Variants in FAM114A1 observed in about 807,000 individuals in gnomAD.
FAM114A1 encodes protein NOXP20.
In FAM114A1, 62 loss-of-function variants were observed where a neutral mutation model predicts 64.3. The ratio of observed to expected loss-of-function variants is 0.96; its 90% CI spans 0.79 to 1.19. FAM114A1 has a LOEUF of 1.19. FAM114A1 is among the 50% of genes most tolerant of loss of function. The pLI is 0.00. For missense variants in FAM114A1, 645 were observed against 676.3 expected (o/e 0.95, Z 0.51); for synonymous variants, 254 against 251.1 (o/e 1.01, Z -0.11).
chr4:38,918,483 G>A (rs1367252059), intron 8 of FAM114A1, among the ~76,000 whole-genome samples: 1 of 152,094 alleles, frequency 6.6e-6, no homozygotes, highest in Non-Finnish European at 1.5e-5. Flanking sequence ...AATACGGGAT[G>A]ACTAGTTACA....
rs763900636 is a variant in FAM114A1, at chr4:38,908,637, G to T, written c.703G>T (p.Gly235Cys). 1.9e-6 allele frequency: 3 copies of T among 1,612,994 alleles called. No homozygotes were observed. Among genetic ancestry groups the T allele is most frequent in the Non-Finnish European group, 2.5e-6 (3 of 1,179,378 alleles). ...AGGCCTTGATGCGTTGGAATTCATC[G>T]GCAAGAAAACCATGAATGTCCTTGC... Reference protein sequence around the residue: ...TGGLDALEFIGKKTMNVLAES... With the variant: ...TGGLDALEFICKKTMNVLAES... Residue 235 changes from glycine to cysteine, a missense_variant, in exon 7 of 15, where the codon GGC becomes TGC. By Grantham distance (159) the Gly-to-Cys change is radical. Coordinates refer to ENST00000358869, the MANE Select transcript of FAM114A1 (RefSeq NM_138389.4).
At chr4:38,880,982 C>T (rs1361654385) in intron 3 of FAM114A1, among the ~76,000 whole-genome samples, 8 of 152,010 alleles carry the variant, frequency 5.3e-5, no homozygotes, top group Admixed American at 1.3e-4. Context: ...GTCAGGAGTT[C>T]GAGACCAGCC....
At chr4:38,891,426 C>A (rs143452971) in intron 3 of FAM114A1, among the ~76,000 whole-genome samples, 1 of 152,128 alleles carries the variant, frequency 6.6e-6, no homozygotes, top group Non-Finnish European at 1.5e-5. Flanking sequence ...TGCCCTCATG[C>A]GTATCTTTTT....
intron 12 of FAM114A1, among the ~76,000 whole-genome samples, chr4:38,934,981 C>G (rs1342448679): frequency 6.6e-6 from 1 of 151,544 alleles, no homozygotes; most frequent in Non-Finnish European, 1.5e-5. Context: ...ATGGCATGAT[C>G]TCGGCTCACT....
intron 9 of FAM114A1, among the ~76,000 whole-genome samples, chr4:38,924,640 G>T (rs1447239382): frequency 6.6e-6 from 1 of 152,192 alleles, no homozygotes; most frequent in African/African-American, 2.4e-5. Context: ...ATAGAAAGAG[G>T]CCGTATCAGA....
rs1560288012 is a variant in FAM114A1 at position 38,880,100 on chromosome 4, A to AATAGAATAGAATAG, written c.348+1675_348+1676insTAGAATAGAATAGA. Among the ~76,000 whole-genome samples, 22 of 98,944 alleles carry AATAGAATAGAATAG rather than the reference A, an allele frequency of 2.2e-4. 1 individual carries two copies. Among genetic ancestry groups the AATAGAATAGAATAG allele is most frequent in the African/African-American group, 7.2e-4 (21 of 29,260 alleles). The allele number at this position is 98,944 out of a possible 152,430, so 64.9% of individuals were successfully genotyped here. On this transcript the variant is annotated intron_variant, in intron 3 of 14. Transcript: ENST00000358869. ...AAATAAAATAAAATAAAATAAAATA[A>AATAGAATAGAATAG]AATAGAGTAGAATAGAATAGAATAG...
At chr4:38,936,985 T>G (rs1721167063) in intron 13 of FAM114A1, among the ~76,000 whole-genome samples, 1 of 152,248 alleles carries the variant, frequency 6.6e-6, no homozygotes, top group African/African-American at 2.4e-5. Context: ...AGGTATGGCC[T>G]CTGGTTATTT....
At chr4:38,886,248 T>C (rs567104370) in intron 3 of FAM114A1, among the ~76,000 whole-genome samples, 30 of 151,298 alleles carry the variant, frequency 2.0e-4, no homozygotes, top group African/African-American at 5.8e-4. Flanking sequence ...CTCAGCTCAC[T>C]GCAACCTCCG....
chr4:38,919,067 C>T (rs1719339165), intron 8 of FAM114A1, among the ~76,000 whole-genome samples: 1 of 152,114 alleles, frequency 6.6e-6, no homozygotes, highest in Non-Finnish European at 1.5e-5. Context: ...GCACGAGAGT[C>T]ACTTGAACCT....
intron 3 of FAM114A1, among the ~76,000 whole-genome samples, chr4:38,883,008 T>G (rs1373316217): frequency 6.6e-6 from 1 of 151,376 alleles, no homozygotes; most frequent in Non-Finnish European, 1.5e-5. Context: ...TCTTGTCCTT[T>G]CTGACATACA....
chr4:38,905,411 AAAAAG>A, intron 4 of FAM114A1, 106 bp from the exon 5 acceptor site: 1 of 827,836 alleles, frequency 1.2e-6, no homozygotes, highest in Non-Finnish European at 1.9e-6. Flanking sequence ...AAAAAAAAAA[AAAAAG>A]AAAGATGTAC....
Position 38,905,756 on chromosome 4 carries a change from A to G in FAM114A1, c.552A>G (p.Ile184Met). ...AAAGGATTTCTTTTTTCTCTTTAGT[A>G]ACAGATGCAGCCACAGATCAGGGCC... ...QPNTENGVPEITDAATDQGPA... is the reference protein window; with the variant it reads ...QPNTENGVPEMTDAATDQGPA... Residue 184 changes from isoleucine to methionine, a missense_variant and splice_region_variant, in exon 6 of 15, where the codon ATA becomes ATG. Transcript: ENST00000358869. 2 of 1,612,172 alleles carry G rather than the reference A, an allele frequency of 1.2e-6. No individual in the cohort carries two copies. Among genetic ancestry groups the G allele is most frequent in the African/African-American group, 1.3e-5 (1 of 74,788 alleles).
chr4:38,925,588 T>C (rs1428616412), intron 9 of FAM114A1, among the ~76,000 whole-genome samples: 1 of 152,234 alleles, frequency 6.6e-6, no homozygotes, highest in African/African-American at 2.4e-5. Flanking sequence ...AAACTATCAT[T>C]TTTTAGATGA....
intron 10 of FAM114A1, among the ~76,000 whole-genome samples, chr4:38,931,233 A>G (rs780145469): frequency 3.9e-5 from 6 of 152,130 alleles, no homozygotes; most frequent in Non-Finnish European, 8.8e-5. Flanking sequence ...TGTTCTTTCC[A>G]TACCTTCTGT....
chr4:38,890,925 G>A (rs1235959521), intron 3 of FAM114A1, among the ~76,000 whole-genome samples: 1 of 152,228 alleles, frequency 6.6e-6, no homozygotes, highest in Admixed American at 6.5e-5. Flanking sequence ...ACCAGGGACT[G>A]AGAAGCTGTC....
At chr4:38,920,754 C>T (rs1220167285) in intron 8 of FAM114A1, among the ~76,000 whole-genome samples, 1 of 152,166 alleles carries the variant, frequency 6.6e-6, no homozygotes, top group Non-Finnish European at 1.5e-5. Context: ...CCTAAGAATA[C>T]GTTGATGCAC....
chr4:38,931,974 C>A (rs938156004), intron 11 of FAM114A1, among the ~76,000 whole-genome samples: 4 of 152,208 alleles, frequency 2.6e-5, no homozygotes, highest in African/African-American at 9.6e-5. Flanking sequence ...TTCTTTAGCA[C>A]CTGCCTGTTT....
chr4:38,932,857 A>ATTTT (rs34761547), intron 12 of FAM114A1, among the ~76,000 whole-genome samples: 71 of 142,986 alleles, frequency 5.0e-4, no homozygotes, highest in African/African-American at 1.4e-3. Context: ...AGAAATAAGG[A>ATTTT]TTTTTTTTTT....
chr4:38,899,381 A>G (rs79014336), intron 4 of FAM114A1, among the ~76,000 whole-genome samples: 2,682 of 152,178 alleles, frequency 0.018, 91 homozygotes, highest in African/African-American at 0.06. Context: ...ACCAGTCACT[A>G]TAGTATAGTC....
Sources: allele counts gnomAD v4.1 joint callset (sites outside exome capture counted in the v4.1 genomes callset), GRCh38; gene constraint gnomAD v4.1.1; transcripts MANE v1.5; gene names NCBI Gene and HGNC (gene_info 2026-07-23, HGNC 2026-07-21).